The following LARGE1 variants were observed in gnomAD, a reference collection of about 807,000 sequenced individuals.
The protein encoded by LARGE1 is xylosyl- and glucuronyltransferase LARGE1.
LARGE1 carries 43 observed loss-of-function variants against 87.6 expected under a neutral mutation model. That is an observed-to-expected ratio of 0.49 (90% confidence interval 0.38 to 0.63). The LOEUF (loss-of-function observed/expected upper bound fraction) is 0.63, where lower values mean the gene tolerates loss of function less well. LARGE1 is among the 30% of genes least tolerant of loss of function. The pLI, the probability that LARGE1 is intolerant of heterozygous loss-of-function variation, is 0.00. For missense variants in LARGE1, 802 were observed against 1,000.2 expected (o/e 0.80, Z 2.67); for synonymous variants, 434 against 394.6 (o/e 1.10, Z -1.18).
the LARGE1 span, among the ~76,000 whole-genome samples, chr22:33,107,677 A>T: frequency 5.2e-4 from 79 of 152,156 alleles, no homozygotes; most frequent in African/African-American, 1.9e-3. Flanking sequence ...CCAGCCTGGG[A>T]AACAAAGCAA....
intron 1 of LARGE1, among the ~76,000 whole-genome samples, chr22:33,837,588 C>A (rs960505776): frequency 6.6e-6 from 1 of 152,130 alleles, no homozygotes; most frequent in Non-Finnish European, 1.5e-5. Context: ...CTGTGAAAAC[C>A]CTTGTGAGAG....
Position 33,382,005 on chromosome 22 carries a change from C to G in LARGE1, c.1045G>C (p.Val349Leu). 1 of 1,614,072 alleles carries G rather than the reference C, an allele frequency of 6.2e-7. No homozygotes were observed. The highest frequency in any genetic ancestry group is 8.5e-7 in the Non-Finnish European group (1 of 1,180,002). Residue 349 changes from valine (V) to leucine (L), a missense_variant, in exon 9 of 15, where the codon GTG becomes CTG. Physicochemically the swap from Val to Leu is conservative, Grantham distance 32. Around this residue, in one of 2 missense-constraint regions of LARGE1, gnomAD observed 625 missense variants for 841.9 expected, o/e 0.74. Coordinates refer to ENST00000397394, the MANE Select transcript of LARGE1 (RefSeq NM_133642.5). ...TTCCAGAAGCAGGGGAGCTGGTACA[C>G]AAGGAAGGGGTTTTGTTTGATGACG... ...NAVIKQNPFL[V>L]YQLPCFWNVQ...
chr22:33,511,193 C>G (rs1456044145), intron 6 of LARGE1, among the ~76,000 whole-genome samples: 1 of 152,214 alleles, frequency 6.6e-6, no homozygotes, highest in Non-Finnish European at 1.5e-5. Context: ...GCAGCTTTTA[C>G]TGCTGCTATT....
At chr22:33,788,612 G>C (rs2085726116) in intron 1 of LARGE1, among the ~76,000 whole-genome samples, 1 of 152,208 alleles carries the variant, frequency 6.6e-6, no homozygotes, top group African/African-American at 2.4e-5. Flanking sequence ...ATGAAGTCCA[G>C]GTTAAGGTGG....
At chr22:33,466,662 G>C (rs2068624709) in intron 6 of LARGE1, among the ~76,000 whole-genome samples, 1 of 149,112 alleles carries the variant, frequency 6.7e-6, no homozygotes, top group South Asian at 2.2e-4. Flanking sequence ...CAGATAATGA[G>C]CCCTGGCCTC....
At chr22:33,182,901 T>C (rs1923249117) in intron 11 of LARGE1, among the ~76,000 whole-genome samples, 1 of 152,150 alleles carries the variant, frequency 6.6e-6, no homozygotes, top group Non-Finnish European at 1.5e-5. Context: ...ACATTGGTCT[T>C]AGCAATGATT....
At chr22:33,262,756 TCCTTC>T (rs1927704324) in intron 11 of LARGE1, among the ~76,000 whole-genome samples, 2 of 144,296 alleles carry the variant, frequency 1.4e-5, no homozygotes, top group East Asian at 2.0e-4. Flanking sequence ...CTTCTTTCCT[TCCTTC>T]CCTTCCCTTT....
At chr22:33,887,156 G>T (rs933215) in intron 1 of LARGE1, among the ~76,000 whole-genome samples, 72,457 of 151,988 alleles carry the variant, frequency 0.48, 18,430 homozygotes, top group East Asian at 0.99. Flanking sequence ...TCTGAATATC[G>T]ATGTCCCCCC....
chr22:33,134,485 C>T, the LARGE1 span, among the ~76,000 whole-genome samples: 1 of 152,186 alleles, frequency 6.6e-6, no homozygotes, highest in African/African-American at 2.4e-5. Flanking sequence ...TATCAATCTC[C>T]TGAGCTTGTG....
chr22:33,276,018 T>C (rs1305429400), intron 14 of LARGE1, among the ~76,000 whole-genome samples: 1 of 152,212 alleles, frequency 6.6e-6, no homozygotes, highest in Non-Finnish European at 1.5e-5. Context: ...TTCTCAACCC[T>C]AACGCCTCTC....
intron 10 of LARGE1, among the ~76,000 whole-genome samples, chr22:33,319,148 C>G (rs551340247): frequency 6.6e-6 from 1 of 152,156 alleles, no homozygotes; most frequent in African/African-American, 2.4e-5. Context: ...ACTAAAGCGG[C>G]ACAGTTTATT....
intron 10 of LARGE1, 133 bp from the exon 11 acceptor site, chr22:33,316,381 G>C: frequency 1.3e-6 from 1 of 746,066 alleles, no homozygotes; most frequent in Non-Finnish European, 2.2e-6. Context: ...GACGTACATG[G>C]AAGGGATCAC....
intron 6 of LARGE1, among the ~76,000 whole-genome samples, chr22:33,523,289 C>T (rs148657004): frequency 3.9e-5 from 6 of 152,120 alleles, no homozygotes; most frequent in South Asian, 2.1e-4. Flanking sequence ...CTCCCAAAGG[C>T]GTGAGACACC....
At chr22:33,521,645 G>A (rs2071601241) in intron 6 of LARGE1, among the ~76,000 whole-genome samples, 1 of 152,192 alleles carries the variant, frequency 6.6e-6, no homozygotes, top group Admixed American at 6.5e-5. Context: ...CTTGGTGAAA[G>A]TAACCGATGT....
chr22:33,523,583 T>G (rs950516410), intron 6 of LARGE1, among the ~76,000 whole-genome samples: 6 of 152,252 alleles, frequency 3.9e-5, no homozygotes, highest in African/African-American at 1.4e-4. Context: ...TGCAGTGTGG[T>G]TGCCCTGTTT....
At chr22:33,302,386 A>G (rs1934269083) in intron 12 of LARGE1, among the ~76,000 whole-genome samples, 1 of 152,114 alleles carries the variant, frequency 6.6e-6, no homozygotes, top group Non-Finnish European at 1.5e-5. Flanking sequence ...CGCTGACCCT[A>G]CTGTTTTTAA....
At position 33,726,506 on chromosome 22, in the gene LARGE1, G is replaced by T. The variant is rs188453774; in HGVS notation, c.106+34865C>A. Among the ~76,000 whole-genome samples the T allele has an allele frequency of 1.4e-4, 21 of 152,222 alleles. No individual in the cohort carries two copies. The East Asian group carries it at 3.3e-3, about 24-fold the overall frequency. ...TCGTAAACACGTGGCAATATTCACC[G>T]TACAAATCCTAAATTCCTTCCCCTT... On this transcript the variant is annotated intron_variant, in intron 2 of 14. Coordinates refer to ENST00000397394, the MANE Select transcript of LARGE1 (RefSeq NM_133642.5).
chr22:33,666,657 G>GA (rs1445065938), intron 2 of LARGE1, among the ~76,000 whole-genome samples: 1 of 152,174 alleles, frequency 6.6e-6, no homozygotes, highest in African/African-American at 2.4e-5. Flanking sequence ...CACACAGGAG[G>GA]AATCAGAAAT....
At chr22:33,131,214 C>T in the LARGE1 span, among the ~76,000 whole-genome samples, 1 of 151,962 alleles carries the variant, frequency 6.6e-6, no homozygotes, top group Non-Finnish European at 1.5e-5. Context: ...TTTTAACCTG[C>T]TATTATAGCC....
Sources: gnomAD v4.1 joint callset for allele counts (sites outside exome capture counted in the v4.1 genomes callset) on GRCh38, gnomAD v4.1.1 for gene constraint, gnomAD v4.1.1 regional missense constraint, MANE v1.5 for transcripts, NCBI Gene and HGNC (gene_info 2026-07-23, HGNC 2026-07-21) for gene names.